Variants in C1QL4 observed in about 807,000 individuals in gnomAD.
The protein encoded by C1QL4 is complement C1q like 4.
C1QL4 carries 5 observed loss-of-function variants against 13.4 expected under a neutral mutation model. The ratio of observed to expected loss-of-function variants is 0.37; its 90% CI spans 0.19 to 0.78. The LOEUF (loss-of-function observed/expected upper bound fraction) is 0.78, where lower values mean the gene tolerates loss of function less well. Among genes scored for constraint, C1QL4 ranks in the 30% least tolerant of loss-of-function variants. The pLI, the probability that C1QL4 is intolerant of heterozygous loss-of-function variation, is 0.47. For missense variants in C1QL4, 367 were observed against 361.6 expected, an observed-to-expected ratio of 1.01 and a Z score of -0.12; for synonymous variants, 168 against 153.9, an observed-to-expected ratio of 1.09 and a Z score of -0.68.
Position 49,337,105 on chromosome 12 carries a change from C to T in C1QL4, c.-628G>A, listed in dbSNP as rs1943640083. ...CCGCGGCCCCAGTCCCTGCTAGAGCCCTGGCCCGCGCCTCTCTCCTGCGGG... is the reference window on the plus strand; with the variant it reads ...CCGCGGCCCCAGTCCCTGCTAGAGCTCTGGCCCGCGCCTCTCTCCTGCGGG... On this transcript the variant is annotated 5_prime_UTR_variant, in exon 1 of 2. Coordinates refer to ENST00000334221, the MANE Select transcript of C1QL4 (RefSeq NM_001008223.2). The T allele has an allele frequency of 6.6e-6, 1 of 152,276 alleles. No individual in the cohort carries two copies. Among genetic ancestry groups the T allele is most frequent in the South Asian group, 2.1e-4 (1 of 4,832 alleles). 9.4% of individuals were successfully genotyped at this position (152,276 alleles called of 1,614,324 possible). A position where few individuals can be genotyped will look rare whatever the true frequency, so the allele number is the denominator to read the frequency against.
intron 1 of C1QL4, among the ~76,000 whole-genome samples, chr12:49,333,710 C>T (rs1290645223): frequency 6.6e-6 from 1 of 151,140 alleles, no homozygotes; most frequent in African/African-American, 2.4e-5. Context: ...CTAATTTTTT[C>T]TATTTTTAGT....
intron 1 of C1QL4, among the ~76,000 whole-genome samples, chr12:49,334,854 G>A (rs1346535427): frequency 6.6e-6 from 1 of 152,136 alleles, no homozygotes; most frequent in African/African-American, 2.4e-5. Context: ...GGGGCAGCCC[G>A]GCTGGGATGA....
rs112341833 is a variant in C1QL4, at chr12:49,332,472, A to AG, written c.*581dup. On this transcript the variant is annotated 3_prime_UTR_variant, in exon 2 of 2. Transcript: ENST00000334221. Reference sequence around the variant, plus strand: ...TGTAGCCCCAGGGCCTAGTCCGGATAGGGGGGAATGGGGACTGTACAGAAT... The same window carrying AG: ...TGTAGCCCCAGGGCCTAGTCCGGATAGGGGGGGAATGGGGACTGTACAGAAT... The AG allele has an allele frequency of 0.17, 26,407 of 154,862 alleles. 2,432 individuals are homozygous for AG. Among genetic ancestry groups the AG allele is most frequent in the African/African-American group, 0.23 (9,718 of 41,504 alleles). The allele number at this position is 154,862 out of a possible 1,614,324, so 9.6% of individuals were successfully genotyped here.
chr12:49,332,872 T>C lies in C1QL4; in HGVS notation c.*182A>G. 1.5e-6 allele frequency: 1 copy of C among 663,688 alleles called. No individual in the cohort carries two copies. Among genetic ancestry groups the C allele is most frequent in the Non-Finnish European group, 2.5e-6 (1 of 398,986 alleles). The allele number at this position is 663,688 out of a possible 1,614,324, so 41.1% of individuals were successfully genotyped here. A position where few individuals can be genotyped will look rare whatever the true frequency, so the allele number is the denominator to read the frequency against. ...CTGCTCCTCTGGCCGGGTCTCCTCCTCTTCCCGGCCACTTATACCCTTGAG... is the reference window on the plus strand; with the variant it reads ...CTGCTCCTCTGGCCGGGTCTCCTCCCCTTCCCGGCCACTTATACCCTTGAG... On this transcript the variant is annotated 3_prime_UTR_variant, in exon 2 of 2. Transcript: ENST00000334221.
Position 49,332,952 on chromosome 12 carries a change from C to CCTTTGAGA in C1QL4, c.*101_*102insTCTCAAAG. The stretch of plus-strand genomic sequence containing the variant: ...CCGGGAACGGAAGGGTCCACCCCAC[C>CCTTTGAGA]GCCAGGCTCTCAAAGGGTGGGGTGG... On this transcript the variant is annotated 3_prime_UTR_variant, in exon 2 of 2. Coordinates refer to ENST00000334221, the MANE Select transcript of C1QL4 (RefSeq NM_001008223.2). The CCTTTGAGA allele has an allele frequency of 7.9e-7, 1 of 1,263,954 alleles. No homozygotes were observed. Among genetic ancestry groups the CCTTTGAGA allele is most frequent in the Non-Finnish European group, 1.1e-6 (1 of 923,910 alleles). The allele number at this position is 1,263,954 out of a possible 1,614,324, so 78.3% of individuals were successfully genotyped here.
Position 49,336,207 on chromosome 12 carries a change from C to T in C1QL4, c.271G>A (p.Gly91Ser), listed in dbSNP as rs757914710. The T allele has an allele frequency of 1.9e-6, 3 of 1,547,120 alleles. No individual in the cohort carries two copies. The highest frequency in any genetic ancestry group is 2.6e-6 in the Non-Finnish European group (3 of 1,148,358). ...CCGCCCGGACCTGGACCGGGAGGGC[C>T]CGGGGGGCCTGGCCTGCCGGGTTCT... ...PGEPGRPGPP[G>S]PPGPGPGGVA... Residue 91 changes from glycine to serine, a missense_variant, in exon 1 of 2, where the codon GGC becomes AGC. Coordinates refer to ENST00000334221, the MANE Select transcript of C1QL4 (RefSeq NM_001008223.2). The surrounding 1 kb of genome is among the most constrained non-coding windows in gnomAD (Gnocchi z 7.7).
intron 1 of C1QL4, 116 bp from the exon 2 acceptor site, chr12:49,333,349 C>A (rs1943607162): frequency 8.5e-6 from 9 of 1,053,068 alleles, no homozygotes; most frequent in Non-Finnish European, 1.2e-5. Flanking sequence ...TGGGGAGGAC[C>A]AGGGAGGAGG....
intron 1 of C1QL4, among the ~76,000 whole-genome samples, chr12:49,334,099 C>T (rs1943612928): frequency 1.3e-5 from 2 of 151,848 alleles, no homozygotes; most frequent in South Asian, 2.1e-4. Context: ...AGGCCGAGGT[C>T]GGAGAATCGC....
chr12:49,336,137 G>A lies in C1QL4; in HGVS notation c.341C>T (p.Ala114Val). The change falls in exon 1 of 2, where the codon GCG becomes GTG. Residue 114 changes from alanine (A) to valine (V), a missense_variant. By Grantham distance (64) the Ala-to-Val change is moderately conservative. Coordinates refer to ENST00000334221, the MANE Select transcript of C1QL4 (RefSeq NM_001008223.2). The surrounding 1 kb of genome is among the most constrained non-coding windows in gnomAD (Gnocchi z 7.7). ...ACCCTCGTGGGGCCGCCGCAGGCCC[G>A]CGTAGAAAGCAATGCGAGGCACGTA... ...AGYVPRIAFY[A>V]GLRRPHEGYE... The A allele has an allele frequency of 1.2e-6, 2 of 1,610,268 alleles. No homozygotes were observed. Among genetic ancestry groups the A allele is most frequent in the Non-Finnish European group, 1.7e-6 (2 of 1,178,954 alleles).
In C1QL4 at chr12:49,336,491, G is replaced by C. The variant is rs773789746; in HGVS notation, c.-14C>G. On this transcript the variant is annotated 5_prime_UTR_variant, in exon 1 of 2. Coordinates refer to ENST00000334221, the MANE Select transcript of C1QL4 (RefSeq NM_001008223.2). This position sits in a 1 kb window ranked among gnomAD's most constrained non-coding sequence, Gnocchi z 7.7. ...CAGCAGCACCATGGCCACTCCGACG[G>C]CCGCGCCCGCCACCCTCTTGCGGCG... is the stretch of plus-strand genomic sequence containing the variant. 1 of 1,482,390 alleles carries C rather than the reference G, an allele frequency of 6.7e-7. No individual in the cohort carries two copies. The highest frequency in any genetic ancestry group is 2.7e-5 in the East Asian group (1 of 37,114). 91.8% of individuals were successfully genotyped at this position (1,482,390 alleles called of 1,614,324 possible). A position where few individuals can be genotyped will look rare whatever the true frequency, so the allele number is the denominator to read the frequency against.
At chr12:49,333,338 C>A in intron 1 of C1QL4, 105 bp from the exon 2 acceptor site, 2 of 1,182,980 alleles carry the variant, frequency 1.7e-6, no homozygotes, top group East Asian at 5.1e-5. Flanking sequence ...GCCGCAGGGG[C>A]TGGGGAGGAC....
In C1QL4 at chr12:49,336,209, G is replaced by C; in HGVS notation, c.269C>G (p.Pro90Arg). The change falls in exon 1 of 2, where the codon CCG becomes CGG. Residue 90 changes from proline (P) to arginine (R), a missense_variant. Pro to Arg is a moderately radical substitution (Grantham distance 103). Coordinates refer to ENST00000334221, the MANE Select transcript of C1QL4 (RefSeq NM_001008223.2). This position sits in a 1 kb window ranked among gnomAD's most constrained non-coding sequence, Gnocchi z 7.7. ...PPGEPGRPGPPGPPGPGPGGV... is the reference protein window; with the variant it reads ...PPGEPGRPGPRGPPGPGPGGV... ...GCCCGGACCTGGACCGGGAGGGCCC[G>C]GGGGGCCTGGCCTGCCGGGTTCTCC... is the stretch of plus-strand genomic sequence containing the variant. 3 of 1,537,762 alleles carry C rather than the reference G, an allele frequency of 2.0e-6. No individual in the cohort carries two copies. The highest frequency in any genetic ancestry group is 2.6e-6 in the Non-Finnish European group (3 of 1,143,918).
chr12:49,334,472 G>T (rs1006170547), intron 1 of C1QL4, among the ~76,000 whole-genome samples: 6 of 152,216 alleles, frequency 3.9e-5, no homozygotes, highest in Non-Finnish European at 7.3e-5. Flanking sequence ...GGCTCATGGC[G>T]GTCGCTTCGG....
intron 1 of C1QL4, among the ~76,000 whole-genome samples, chr12:49,334,127 A>G (rs568155317): frequency 6.6e-6 from 1 of 152,234 alleles, no homozygotes; most frequent in East Asian, 2.0e-4. Flanking sequence ...CAGGAGGCAG[A>G]GGTTGCCGTG....
Position 49,336,843 on chromosome 12 carries a change from C to G in C1QL4, c.-366G>C, listed in dbSNP as rs1943637801. 4.5e-6 allele frequency: 1 copy of G among 224,280 alleles called. No homozygotes were observed. The highest frequency in any genetic ancestry group is 8.7e-6 in the Non-Finnish European group (1 of 114,560). The allele number at this position is 224,280 out of a possible 1,614,324, so 13.9% of individuals were successfully genotyped here. On this transcript the variant is annotated 5_prime_UTR_variant, in exon 1 of 2. Transcript: ENST00000334221. This position sits in a 1 kb window ranked among gnomAD's most constrained non-coding sequence, Gnocchi z 7.7. ...CACCTGAGATCCGCGGCTTCTCGGA[C>G]GGCTGGTTTCTTAGGGATCTGAGAT...
At position 49,336,682 on chromosome 12, in the gene C1QL4, C is replaced by A. The variant is rs1368760645; in HGVS notation, c.-205G>T. On this transcript the variant is annotated 5_prime_UTR_variant, in exon 1 of 2. Coordinates refer to ENST00000334221, the MANE Select transcript of C1QL4 (RefSeq NM_001008223.2). This position sits in a 1 kb window ranked among gnomAD's most constrained non-coding sequence, Gnocchi z 7.7. ...GCTCCCCTTACCCTGCCTCTGCGGG[C>A]TCCAGCCGCGGCGGTGCCGCTCCCC... is the stretch of plus-strand genomic sequence containing the variant. The A allele has an allele frequency of 1.1e-5, 6 of 568,516 alleles. No homozygotes were observed. Among genetic ancestry groups the A allele is most frequent in the Non-Finnish European group, 1.7e-5 (6 of 354,590 alleles). The allele number at this position is 568,516 out of a possible 1,614,324, so 35.2% of individuals were successfully genotyped here. A position where few individuals can be genotyped will look rare whatever the true frequency, so the allele number is the denominator to read the frequency against.
Position 49,333,119 on chromosome 12 carries a change from TC to T in C1QL4, c.651del (p.Val219CysfsTer77), listed in dbSNP as rs1364363688. 6.2e-7 allele frequency: 1 copy of T among 1,614,112 alleles called. No homozygotes were observed. The highest frequency in any genetic ancestry group is 2.2e-5 in the East Asian group (1 of 44,880). On this transcript the variant is annotated frameshift_variant, in exon 2 of 2. Coordinates refer to ENST00000334221, the MANE Select transcript of C1QL4 (RefSeq NM_001008223.2). LOFTEE classifies it high-confidence loss of function. ...GDEVFIKLDG[G>X]KVHGGNTNKY... ...TTGTTGGTGTTGCCGCCGTGCACTT[TC>T]CCGCCGTCCAGCTTGATGAAGACCT... is the stretch of plus-strand genomic sequence containing the variant.
Position 49,336,407 on chromosome 12 carries a change from A to C in C1QL4, c.71T>G (p.Met24Arg). 1 of 1,535,606 alleles carries C rather than the reference A, an allele frequency of 6.5e-7. No individual in the cohort carries two copies. The highest frequency in any genetic ancestry group is 8.7e-7 in the Non-Finnish European group (1 of 1,155,596). ...HSSRGPAHYEMLGRCRMVCDP... is the reference protein window; with the variant it reads ...HSSRGPAHYERLGRCRMVCDP... ...GCACACCATGCGGCAGCGACCCAGC[A>C]TCTCGTAGTGCGCTGGCCCGCGGGA... Residue 24 changes from methionine (M) to arginine (R), a missense_variant, in exon 1 of 2, where the codon ATG (methionine) becomes AGG (arginine). Coordinates refer to ENST00000334221, the MANE Select transcript of C1QL4 (RefSeq NM_001008223.2). This position sits in a 1 kb window ranked among gnomAD's most constrained non-coding sequence, Gnocchi z 7.7.
Position 49,336,642 on chromosome 12 carries a change from C to G in C1QL4, c.-165G>C. On this transcript the variant is annotated 5_prime_UTR_variant, in exon 1 of 2. Transcript: ENST00000334221. This position sits in a 1 kb window ranked among gnomAD's most constrained non-coding sequence, Gnocchi z 7.7. ...CCTTGGGCCTGGGTCTGCACTCCCCCGACGGCTGCCCCCCGCTCCCCTTAC... is the reference window on the plus strand; with the variant it reads ...CCTTGGGCCTGGGTCTGCACTCCCCGGACGGCTGCCCCCCGCTCCCCTTAC... The G allele has an allele frequency of 1.3e-6, 1 of 751,408 alleles. No homozygotes were observed. Among genetic ancestry groups the G allele is most frequent in the Non-Finnish European group, 1.9e-6 (1 of 516,790 alleles). 46.5% of individuals were successfully genotyped at this position (751,408 alleles called of 1,614,324 possible).
Sources: gnomAD v4.1 joint callset for allele counts (sites outside exome capture counted in the v4.1 genomes callset) on GRCh38, gnomAD v4.1.1 for gene constraint, Gnocchi (gnomAD v3.1) non-coding constraint, MANE v1.5 for transcripts, NCBI Gene and HGNC (gene_info 2026-07-23, HGNC 2026-07-21) for gene names.